Variants in NOX4 observed in about 807,000 individuals in gnomAD.
NOX4 encodes the protein kidney oxidase-1.
A neutral mutation model predicts 87.6 loss-of-function variants in NOX4; 69 were observed. The ratio of observed to expected loss-of-function variants is 0.79; its 90% CI spans 0.65 to 0.96. The LOEUF (loss-of-function observed/expected upper bound fraction) is 0.96, where lower values mean the gene tolerates loss of function less well. NOX4 is among the 40% of genes least tolerant of loss of function. The probability of loss-of-function intolerance (pLI) is 0.00; values close to 1 mark genes in which losing one functional copy is unlikely to be tolerated. For synonymous variants in NOX4, 275 were observed against 238.2 expected, an observed-to-expected ratio of 1.15 and a Z score of -1.42; for missense variants, 680 against 681.5, an observed-to-expected ratio of 1.00 and a Z score of 0.02.
intron 2 of NOX4, among the ~76,000 whole-genome samples, chr11:89,452,199 C>CTTT (rs1272012836): frequency 5.3e-5 from 8 of 152,156 alleles, no homozygotes; most frequent in African/African-American, 1.7e-4. Flanking sequence ...ATTGTTCTGG[C>CTTT]TGTTAAGAGC....
the NOX4 span, among the ~76,000 whole-genome samples, chr11:89,576,395 C>T: frequency 6.6e-6 from 1 of 152,108 alleles, no homozygotes; most frequent in Admixed American, 6.5e-5. Flanking sequence ...CAATAAATTA[C>T]TTTTTTCCCT....
Position 89,432,840 on chromosome 11 carries a change from C to T in NOX4, c.492G>A (p.Gly164=), listed in dbSNP as rs777486023. Residue 164 remains glycine (G), a synonymous_variant, in exon 7 of 18, where the codon GGG becomes GGA. Coordinates refer to ENST00000263317, the MANE Select transcript of NOX4 (RefSeq NM_016931.5). The stretch of plus-strand genomic sequence containing the variant: ...GGAATAGCACCACCACCATGCAGAC[C>T]CCTGTCAGGCCAGGAACTATAAAAA... The part of the protein sequence containing the change: ...LLFTTVPGLT[G]VCMVVVLFLM... The T allele has an allele frequency of 4.3e-6, 7 of 1,610,304 alleles. 1 individual carries two copies. The Admixed American group carries it at 5.0e-5, about 12-fold the overall frequency.
Position 89,393,560 on chromosome 11 carries a change from A to T in NOX4, c.1074+6457T>A, listed in dbSNP as rs1941270403. Among the ~76,000 whole-genome samples the T allele has an allele frequency of 2.0e-5, 3 of 152,096 alleles. No homozygotes were observed. In the South Asian group the frequency reaches 6.2e-4, roughly 31 times the overall value. ...TGCTCATGTCTTGTACTTGCTTCTC[A>T]AAAAAAGCATAATTTCAGAAATGAA... On this transcript the variant is annotated intron_variant, in intron 11 of 17. Transcript: ENST00000263317.
At chr11:89,495,070 G>T (rs539791165), upstream of NOX4, among the ~76,000 whole-genome samples, 1 of 152,272 alleles carries the variant, frequency 6.6e-6, no homozygotes, top group African/African-American at 2.4e-5. Context: ...AGCCTCCAGT[G>T]TAGCTGGGAC....
chr11:89,429,383 G>C (rs1353957734), intron 7 of NOX4, among the ~76,000 whole-genome samples: 3 of 151,934 alleles, frequency 2.0e-5, no homozygotes, highest in Non-Finnish European at 2.9e-5. Context: ...AGGAGACAGA[G>C]ACACAAAAAA....
chr11:89,337,365 AGG>A (rs1028433529), intron 16 of NOX4, 80 bp downstream of exon 16: 1 of 1,589,854 alleles, frequency 6.3e-7, no homozygotes, highest in African/African-American at 1.3e-5. Context: ...AACCACCTGC[AGG>A]AATTTTCTTC....
chr11:89,343,780 T>C (rs1348133216), intron 13 of NOX4, among the ~76,000 whole-genome samples: 1 of 152,114 alleles, frequency 6.6e-6, no homozygotes, highest in Non-Finnish European at 1.5e-5. Context: ...TATAACATAG[T>C]AGAGATGAAA....
At chr11:89,366,923 C>T (rs953598487) in intron 12 of NOX4, among the ~76,000 whole-genome samples, 1 of 151,770 alleles carries the variant, frequency 6.6e-6, no homozygotes, top group Non-Finnish European at 1.5e-5. Flanking sequence ...AATGAGAAAC[C>T]AAGGGAAAAA....
chr11:89,395,856 G>A (rs1446819871), intron 11 of NOX4, among the ~76,000 whole-genome samples: 1 of 152,042 alleles, frequency 6.6e-6, no homozygotes, highest in Non-Finnish European at 1.5e-5. Flanking sequence ...CTGTTCCATT[G>A]GTCTATATCT....
At chr11:89,553,976 G>A in the NOX4 span, among the ~76,000 whole-genome samples, 1 of 151,814 alleles carries the variant, frequency 6.6e-6, no homozygotes, top group Non-Finnish European at 1.5e-5. Flanking sequence ...CTGGCAGGCA[G>A]GGTACTAACT....
chr11:89,338,560 A>C (rs1945830210), intron 15 of NOX4, among the ~76,000 whole-genome samples: 1 of 152,000 alleles, frequency 6.6e-6, no homozygotes, highest in Non-Finnish European at 1.5e-5. Context: ...AGTCTGGAGG[A>C]CTTACGTAAT....
chr11:89,426,579 C>G (rs1289937064), intron 7 of NOX4, among the ~76,000 whole-genome samples: 1 of 152,166 alleles, frequency 6.6e-6, no homozygotes, highest in Non-Finnish European at 1.5e-5. Flanking sequence ...GATTATATCC[C>G]ACGCATGTCT....
At chr11:89,525,117 C>A in the NOX4 span, among the ~76,000 whole-genome samples, 13 of 152,106 alleles carry the variant, frequency 8.5e-5, 1 homozygote, top group South Asian at 2.3e-3. Context: ...TTAGATTCAT[C>A]CCACTTTCCA....
At chr11:89,408,601 G>A (rs1486471892) in intron 8 of NOX4, among the ~76,000 whole-genome samples, 1 of 152,124 alleles carries the variant, frequency 6.6e-6, no homozygotes, top group Non-Finnish European at 1.5e-5. Context: ...GCCTAACAGA[G>A]TTCTTGCCTC....
At chr11:89,427,313 C>T (rs185984988) in intron 7 of NOX4, among the ~76,000 whole-genome samples, 190 of 152,202 alleles carry the variant, frequency 1.2e-3, no homozygotes, top group African/African-American at 2.8e-3. Flanking sequence ...AAAATCAGAG[C>T]GCCTCTCCCC....
At chr11:89,563,562 A>C in the NOX4 span, among the ~76,000 whole-genome samples, 1 of 152,240 alleles carries the variant, frequency 6.6e-6, no homozygotes, top group Non-Finnish European at 1.5e-5. Flanking sequence ...TTGCAAAAAA[A>C]TACAGAAAAA....
upstream of NOX4, among the ~76,000 whole-genome samples, chr11:89,500,962 G>A (rs1399111611): frequency 6.6e-6 from 1 of 152,158 alleles, no homozygotes; most frequent in Non-Finnish European, 1.5e-5. Flanking sequence ...TAGCACATTA[G>A]GGGGCAGGTA....
the NOX4 span, among the ~76,000 whole-genome samples, chr11:89,530,920 G>A: frequency 4.9e-3 from 745 of 152,270 alleles, 7 homozygotes; most frequent in African/African-American, 0.017. Flanking sequence ...GAAGAGTGAA[G>A]GTGAAGAGAG....
chr11:89,353,633 T>C lies in NOX4; in HGVS notation c.1217+1329A>G, dbSNP rs527598503. Among the ~76,000 whole-genome samples, 10 of 152,276 alleles carry C rather than the reference T, an allele frequency of 6.6e-5. 1 individual carries two copies. The South Asian group carries it at 1.5e-3, about 22-fold the overall frequency. On this transcript the variant is annotated intron_variant, in intron 13 of 17. Transcript: ENST00000263317. ...CAGTATTGACTTTATTGCAGTGGCC[T>C]AGAATCAAACCCACAATATCTCTGA...
Sources: allele counts gnomAD v4.1 joint callset (sites outside exome capture counted in the v4.1 genomes callset), GRCh38; gene constraint gnomAD v4.1.1; transcripts MANE v1.5; gene names NCBI Gene and HGNC (gene_info 2026-07-23, HGNC 2026-07-21).